Variants in ATF7IP observed in about 807,000 individuals in gnomAD.
ATF7IP encodes activating transcription factor 7 interacting protein.
Under a neutral mutation model 106.4 loss-of-function variants are expected in ATF7IP, and 23 were observed. That is an observed-to-expected ratio of 0.22 (90% confidence interval 0.16 to 0.31). The LOEUF (loss-of-function observed/expected upper bound fraction) is 0.31. ATF7IP is among the 10% of genes least tolerant of loss of function. ATF7IP has a pLI of 1.00. For missense variants in ATF7IP, 1,334 were observed against 1,524.3 expected (o/e 0.88, Z 2.08); for synonymous variants, 542 against 539.0 (o/e 1.01, Z -0.08).
chr12:14,434,043 T>C (rs1293640313), intron 2 of ATF7IP, among the ~76,000 whole-genome samples: 2 of 152,232 alleles, frequency 1.3e-5, no homozygotes, highest in African/African-American at 2.4e-5. Flanking sequence ...TCACATTTTA[T>C]TAATGTTACT....
chr12:14,485,077 G>A (rs1255352656), intron 13 of ATF7IP, among the ~76,000 whole-genome samples: 1 of 152,034 alleles, frequency 6.6e-6, no homozygotes, highest in African/African-American at 2.4e-5. Flanking sequence ...CCTGCCAAAG[G>A]CTCTCACAGC....
chr12:14,473,288 C>CTGTATGTATG (rs796814505), intron 10 of ATF7IP, among the ~76,000 whole-genome samples: 3 of 140,350 alleles, frequency 2.1e-5, no homozygotes, highest in Non-Finnish European at 4.6e-5. Context: ...CTCTCTCTCT[C>CTGTATGTATG]TCTGTGTGTG....
chr12:14,445,295 T>C (rs1409596040), intron 5 of ATF7IP, among the ~76,000 whole-genome samples: 1 of 152,080 alleles, frequency 6.6e-6, no homozygotes, highest in Non-Finnish European at 1.5e-5. Context: ...GGCCCACCTA[T>C]ATGATTTGAC....
At chr12:14,385,390 C>G (rs1440654887) in intron 1 of ATF7IP, 15 of 1,533,854 alleles carry the variant, frequency 9.8e-6, no homozygotes, top group Non-Finnish European at 1.3e-5. Flanking sequence ...TCACATGCAT[C>G]AGGACCAGAG....
Position 14,498,207 on chromosome 12 carries a change from T to A in ATF7IP, c.*134T>A. On this transcript the variant is annotated 3_prime_UTR_variant, in exon 15 of 15. Coordinates refer to ENST00000261168, the MANE Select transcript of ATF7IP (RefSeq NM_018179.5). ...GACAGATGTGTGTATACACTACATT[T>A]GTTTATAACCAGAAGCAAAATAAAC... 1.2e-6 allele frequency: 1 copy of A among 824,996 alleles called. No homozygotes were observed. The highest frequency in any genetic ancestry group is 2.5e-5 in the Admixed American group (1 of 40,064). 51.1% of individuals were successfully genotyped at this position (824,996 alleles called of 1,614,324 possible).
At chr12:14,457,056 A>C in intron 7 of ATF7IP, 151 bp from the exon 8 acceptor site, 2 of 668,632 alleles carry the variant, frequency 3.0e-6, no homozygotes, top group Non-Finnish European at 5.2e-6. Context: ...TGTGCCAGCT[A>C]TGCCTCACTG....
At position 14,385,417 on chromosome 12, in the gene ATF7IP, C is replaced by G. The variant is rs540270941; in HGVS notation, c.-8+19590C>G. The stretch of plus-strand genomic sequence containing the variant: ...GGACCAGAGGTAAGAACCAATTACT[C>G]TTTTATCTTAAACATTCTCATTTTT... On this transcript the variant is annotated intron_variant, in intron 1 of 14. Coordinates refer to ENST00000261168, the MANE Select transcript of ATF7IP (RefSeq NM_018179.5). 9 of 1,531,294 alleles carry G rather than the reference C, an allele frequency of 5.9e-6. No homozygotes were observed. The African/African-American group carries it at 1.2e-4, about 21-fold the overall frequency. 94.9% of individuals were successfully genotyped at this position (1,531,294 alleles called of 1,614,324 possible).
chr12:14,487,124 C>CAT (rs1565554158), intron 13 of ATF7IP, among the ~76,000 whole-genome samples: 121 of 104,552 alleles, frequency 1.2e-3, no homozygotes, highest in African/African-American at 5.0e-3. Flanking sequence ...TCTATTAGAA[C>CAT]CTTTTTTTTT....
Position 14,502,770 on chromosome 12 carries a change from T to G in ATF7IP, c.*4697T>G, listed in dbSNP as rs943389501. The G allele has an allele frequency of 2.0e-5, 3 of 152,130 alleles. No individual in the cohort carries two copies. The highest frequency in any genetic ancestry group is 4.4e-5 in the Non-Finnish European group (3 of 68,020). The allele number at this position is 152,130 out of a possible 1,614,324, so 9.4% of individuals were successfully genotyped here. The stretch of plus-strand genomic sequence containing the variant: ...GGGCTCCAGCAAGTGGCCCTATTTT[T>G]ATTAGGGTTTTGAAGGTTTGTGTGT... On this transcript the variant is annotated 3_prime_UTR_variant, in exon 15 of 15. Coordinates refer to ENST00000261168, the MANE Select transcript of ATF7IP (RefSeq NM_018179.5).
At chr12:14,396,530 AATG>A (rs1228761642) in intron 1 of ATF7IP, among the ~76,000 whole-genome samples, 2 of 152,276 alleles carry the variant, frequency 1.3e-5, no homozygotes, top group Non-Finnish European at 2.9e-5. Flanking sequence ...TGATTGACAA[AATG>A]ATGATAGTAG....
At chr12:14,477,779 GTTTT>G (rs140613043) in intron 11 of ATF7IP, among the ~76,000 whole-genome samples, 2,109 of 152,264 alleles carry the variant, frequency 0.014, 66 homozygotes, top group African/African-American at 0.048. Flanking sequence ...GTGGTTTCCT[GTTTT>G]TAAGAGTTTT....
Position 14,425,194 on chromosome 12 carries a change from A to G in ATF7IP, c.1279A>G (p.Thr427Ala). 6.3e-7 allele frequency: 1 copy of G among 1,597,660 alleles called. No homozygotes were observed. Among genetic ancestry groups the G allele is most frequent in the Non-Finnish European group, 8.5e-7 (1 of 1,175,542 alleles). Residue 427 changes from threonine (T) to alanine (A), a missense_variant, in exon 2 of 15, where the codon ACA becomes GCA. Thr to Ala is a moderately conservative substitution (Grantham distance 58). Transcript: ENST00000261168. ...DNKSENILEN[T>A]DSMETDEIIP... ...CAAAAGTGAGAATATCTTAGAAAAT[A>G]CAGACTCTATGGAGACAGATGAAAT... is the stretch of plus-strand genomic sequence containing the variant.
rs1242577468 is a variant in ATF7IP, at chr12:14,484,202, G to A, written c.3280+3017G>A. Among the ~76,000 whole-genome samples, 5 of 152,224 alleles carry A rather than the reference G, an allele frequency of 3.3e-5. No homozygotes were observed. The East Asian group carries it at 7.7e-4, about 24-fold the overall frequency. On this transcript the variant is annotated intron_variant, in intron 13 of 14. Coordinates refer to ENST00000261168, the MANE Select transcript of ATF7IP (RefSeq NM_018179.5). Reference sequence around the variant, plus strand: ...CAATGGCCATAGTCAGGTCAGCCTTGGTAAGTGGAAGTCCATGTTGCTGAG... The same window carrying A: ...CAATGGCCATAGTCAGGTCAGCCTTAGTAAGTGGAAGTCCATGTTGCTGAG...
rs117375802 is a variant in ATF7IP, at chr12:14,454,237, C to G, written c.1996-2324C>G. Among the ~76,000 whole-genome samples the G allele has an allele frequency of 5.4e-4, 82 of 152,218 alleles. 1 individual carries two copies. The East Asian group carries it at 0.013, about 24-fold the overall frequency. On this transcript the variant is annotated intron_variant, in intron 6 of 14. Coordinates refer to ENST00000261168, the MANE Select transcript of ATF7IP (RefSeq NM_018179.5). The stretch of plus-strand genomic sequence containing the variant: ...CTCTTCCATCTGAAGAGGTTTGCCT[C>G]TCTACTCTGAAGCTCCCTCTGGTAC...
intron 5 of ATF7IP, among the ~76,000 whole-genome samples, chr12:14,440,309 C>G (rs1441397241): frequency 2.0e-5 from 3 of 152,162 alleles, no homozygotes; most frequent in Admixed American, 1.3e-4. Flanking sequence ...TCTGGTCCTT[C>G]CAAAGCATTG....
chr12:14,448,338 A>G (rs1344173699), intron 6 of ATF7IP, among the ~76,000 whole-genome samples: 1 of 152,178 alleles, frequency 6.6e-6, no homozygotes, highest in African/African-American at 2.4e-5. Context: ...TTTACAAAGT[A>G]GTTTACAGAC....
chr12:14,422,593 T>A (rs934413126), intron 1 of ATF7IP, among the ~76,000 whole-genome samples: 1 of 152,170 alleles, frequency 6.6e-6, no homozygotes, highest in African/African-American at 2.4e-5. Context: ...AGTCACTGAT[T>A]TACTTTCTGT....
At chr12:14,457,104 A>G in intron 7 of ATF7IP, 103 bp from the exon 8 acceptor site, 1 of 973,392 alleles carries the variant, frequency 1.0e-6, no homozygotes, top group Non-Finnish European at 1.6e-6. Flanking sequence ...ACCCAAGTCT[A>G]GCCACCCTTT....
intron 1 of ATF7IP, among the ~76,000 whole-genome samples, chr12:14,368,382 A>G (rs942960315): frequency 3.3e-5 from 5 of 152,068 alleles, no homozygotes; most frequent in Admixed American, 6.5e-5. Context: ...ATCCCACATG[A>G]TCAAATGTTC....
Sources: gnomAD v4.1 joint callset for allele counts (sites outside exome capture counted in the v4.1 genomes callset) on GRCh38, gnomAD v4.1.1 for gene constraint, MANE v1.5 for transcripts, NCBI Gene and HGNC (gene_info 2026-07-23, HGNC 2026-07-21) for gene names.